Variants in TSC1 observed in about 807,000 individuals in gnomAD.
TSC1 encodes TSC complex subunit 1.
In TSC1, 20 loss-of-function variants were observed where a neutral mutation model predicts 124.3. The ratio of observed to expected loss-of-function variants is 0.16; its 90% CI spans 0.11 to 0.23. The LOEUF is 0.23. Ranked by LOEUF, TSC1 falls within the 10% of genes least tolerant of loss-of-function variation. TSC1 has a pLI of 1.00. For missense variants in TSC1, 1,124 were observed against 1,448.5 expected, an observed-to-expected ratio of 0.78 and a Z score of 3.64; for synonymous variants, 493 against 539.1, an observed-to-expected ratio of 0.91 and a Z score of 1.19.
chr9:132,903,761 T>C lies in TSC1; in HGVS notation c.2098A>G (p.Asn700Asp). 2 of 1,613,854 alleles carry C rather than the reference T, an allele frequency of 1.2e-6. No individual in the cohort carries two copies. Among genetic ancestry groups the C allele is most frequent in the Non-Finnish European group, 1.7e-6 (2 of 1,180,014 alleles). The change falls in exon 17 of 23, where the codon AAC becomes GAC. Residue 700 changes from asparagine (N) to aspartate (D), a missense_variant. Asn to Asp is a conservative substitution (Grantham distance 23, BLOSUM62 1). This residue lies in a region of TSC1 where 321 missense variants were observed against 397.4 expected (regional missense o/e 0.81). Coordinates refer to ENST00000298552, the MANE Select transcript of TSC1 (RefSeq NM_000368.5). The surrounding 1 kb of genome is among the most constrained non-coding windows in gnomAD (Gnocchi z 5.9). ...TTAAAACGCTCATAGAGTAACTGGT[T>C]GTGCAGTAAAAGCAACTGGTCTCGG... ...TLRDQLLLLHNQLLYERFKRQ... is the reference protein window; with the variant it reads ...TLRDQLLLLHDQLLYERFKRQ...
Position 132,911,625 on chromosome 9 carries a change from TAAAAAA to T in TSC1, c.914-63_914-58del, listed in dbSNP as rs11364856. 0.089 allele frequency: 14,875 copies of T among 166,560 alleles called. 453 individuals carry two copies. Among genetic ancestry groups the T allele is most frequent in the African/African-American group, 0.17 (3,199 of 18,362 alleles). The allele number at this position is 166,560 out of a possible 1,614,324, so 10.3% of individuals were successfully genotyped here. A position where few individuals can be genotyped will look rare whatever the true frequency, so the allele number is the denominator to read the frequency against. ...GTGTGTGGTTTTAGGTTATTCTGGT[TAAAAAA>T]AAAAAAAAAAAAAAAAAAAAAAAAA... On this transcript the variant is annotated intron_variant, in intron 9 of 22. Transcript: ENST00000298552.
rs761281095 is a variant in TSC1, at chr9:132,901,659, C to T, written c.2432G>A (p.Arg811Gln). ...GTTGTTGGCCTTCTTCAGTTCTATCCGCAGCTCCGCAATCATGTTCCTGCA... is the reference window on the plus strand; with the variant it reads ...GTTGTTGGCCTTCTTCAGTTCTATCTGCAGCTCCGCAATCATGTTCCTGCA... ...EDCRNMIAEL[R>Q]IELKKANNKV... The change falls in exon 19 of 23, where the codon CGG (arginine) becomes CAG (glutamine). Residue 811 changes from arginine (R) to glutamine (Q), a missense_variant. Physicochemically the swap from Arg to Gln is conservative, Grantham distance 43 (BLOSUM62 1). Transcript: ENST00000298552. The T allele has an allele frequency of 1.8e-5, 29 of 1,613,940 alleles. No homozygotes were observed. Among genetic ancestry groups the T allele is most frequent in the East Asian group, 2.2e-5 (1 of 44,898 alleles).
rs118203753 is a variant in TSC1 at position 132,896,408 on chromosome 9, C to T, written c.3322G>A (p.Gly1108Ser). ...NKSESQCDED[G>S]MTSSLSESLK... Reference sequence around the variant, plus strand: ...CTCTCAGAAAGGCTACTGGTCATGCCGTCCTCATCACACTGGCTCTCGCTC... The same window carrying T: ...CTCTCAGAAAGGCTACTGGTCATGCTGTCCTCATCACACTGGCTCTCGCTC... The change falls in exon 23 of 23, where the codon GGC (glycine) becomes AGC (serine). Residue 1108 changes from glycine (G) to serine (S), a missense_variant. By Grantham distance (56) the Gly-to-Ser change is moderately conservative. This residue lies in a region of TSC1 where 325 missense variants were observed against 383.4 expected (regional missense o/e 0.85). Transcript: ENST00000298552. This position sits in a 1 kb window ranked among gnomAD's most constrained non-coding sequence, Gnocchi z 4.5. The T allele has an allele frequency of 9.9e-6, 16 of 1,614,094 alleles. No homozygotes were observed. Among genetic ancestry groups the T allele is most frequent in the South Asian group, 5.5e-5 (5 of 91,084 alleles).
chr9:132,912,087 C>A (rs1455932126), intron 9 of TSC1, among the ~76,000 whole-genome samples, 195 bp downstream of exon 9: 1 of 151,908 alleles, frequency 6.6e-6, no homozygotes, highest in Non-Finnish European at 1.5e-5. Context: ...AGGTAGCAGA[C>A]CAAGGACATC....
chr9:132,909,270 G>GT (rs1845824952), intron 12 of TSC1, among the ~76,000 whole-genome samples: 1 of 152,130 alleles, frequency 6.6e-6, no homozygotes. Flanking sequence ...TGGACACTCT[G>GT]AAAATATTGG....
chr9:132,924,227 C>T (rs1846730767), intron 5 of TSC1, among the ~76,000 whole-genome samples: 2 of 152,022 alleles, frequency 1.3e-5, no homozygotes, highest in Admixed American at 1.3e-4. Flanking sequence ...TGAATGTTTG[C>T]CAGGTAGATG....
chr9:132,926,189 G>A (rs1304431065), intron 4 of TSC1: 7 of 214,436 alleles, frequency 3.3e-5, no homozygotes, highest in Non-Finnish European at 6.6e-5. Context: ...CGGGCCAGGC[G>A]CAGTGGCTCA....
intron 8 of TSC1, among the ~76,000 whole-genome samples, chr9:132,920,584 T>C (rs1042978739): frequency 1.3e-5 from 2 of 152,102 alleles, no homozygotes; most frequent in African/African-American, 2.4e-5. Context: ...GCAGTGTCTG[T>C]GGTGAGGTGA....
chr9:132,926,365 G>C (rs1017845452), intron 4 of TSC1: 4 of 160,042 alleles, frequency 2.5e-5, no homozygotes, highest in African/African-American at 9.6e-5. Context: ...ACTGTAAAAG[G>C]CATGCAATAC....
chr9:132,942,871 T>G (rs754941041), intron 1 of TSC1, among the ~76,000 whole-genome samples: 3 of 152,332 alleles, frequency 2.0e-5, no homozygotes, highest in Middle Eastern at 6.8e-3. Context: ...CCTAGGGCAA[T>G]AGCAAAGAAT....
Position 132,891,371 on chromosome 9 carries a change from A to G in TSC1, c.*4864T>C. 4.3e-6 allele frequency: 1 copy of G among 232,106 alleles called. No homozygotes were observed. The highest frequency in any genetic ancestry group is 8.5e-6 in the Non-Finnish European group (1 of 117,096). 14.4% of individuals were successfully genotyped at this position (232,106 alleles called of 1,614,324 possible). A position where few individuals can be genotyped will look rare whatever the true frequency, so the allele number is the denominator to read the frequency against. On this transcript the variant is annotated 3_prime_UTR_variant, in exon 23 of 23. Transcript: ENST00000298552. ...GAGTAGTGCAAAACAATAAATTTTT[A>G]TTTGTTCACAGTTAAACACAAGCAA...
intron 16 of TSC1, 127 bp downstream of exon 16, chr9:132,904,284 T>C (rs766385087): frequency 2.8e-5 from 29 of 1,040,400 alleles, no homozygotes; most frequent in Non-Finnish European, 3.5e-5. Context: ...GCCAAGCAGA[T>C]AGCCTGGCCG....
chr9:132,940,600 C>G (rs564523113), intron 1 of TSC1: 1 of 152,256 alleles, frequency 6.6e-6, no homozygotes, highest in Admixed American at 6.5e-5. Flanking sequence ...GGTTCATATC[C>G]CAGCTTAGCC....
intron 8 of TSC1, among the ~76,000 whole-genome samples, chr9:132,918,749 A>T (rs1341089091): frequency 6.6e-6 from 1 of 152,154 alleles, no homozygotes. Context: ...CAATACCGAC[A>T]CCACTATTTC....
At position 132,894,523 on chromosome 9, in the gene TSC1, C is replaced by A. The variant is rs1447281498; in HGVS notation, c.*1712G>T. ...ACATCTGACAATTCAGTACCAACTG[C>A]CAGCCTGTGCTAGGCTGAGTAGTTG... On this transcript the variant is annotated 3_prime_UTR_variant, in exon 23 of 23. Coordinates refer to ENST00000298552, the MANE Select transcript of TSC1 (RefSeq NM_000368.5). 4.4e-6 allele frequency: 1 copy of A among 228,326 alleles called. No individual in the cohort carries two copies. Among genetic ancestry groups the A allele is most frequent in the Non-Finnish European group, 8.7e-6 (1 of 114,812 alleles). 14.1% of individuals were successfully genotyped at this position (228,326 alleles called of 1,614,324 possible).
chr9:132,936,178 C>T (rs1847448930), intron 1 of TSC1, among the ~76,000 whole-genome samples: 1 of 152,110 alleles, frequency 6.6e-6, no homozygotes, highest in African/African-American at 2.4e-5. Flanking sequence ...ACAGTGGAGC[C>T]ATCATAGCTC....
At chr9:132,898,376 A>G (rs1845197454) in intron 20 of TSC1, among the ~76,000 whole-genome samples, 1 of 152,254 alleles carries the variant, frequency 6.6e-6, no homozygotes, top group African/African-American at 2.4e-5. Context: ...TTGTGTGTGT[A>G]TGTTTACCGT....
Position 132,906,890 on chromosome 9 carries a change from G to T in TSC1, c.1334-55C>A. Reference sequence around the variant, plus strand: ...AAGAAATACAGTGTAATCCCTGTAAGTGTAAAACTGCTTACACTGTATAGA... The same window carrying T: ...AAGAAATACAGTGTAATCCCTGTAATTGTAAAACTGCTTACACTGTATAGA... On this transcript the variant is annotated intron_variant, in intron 13 of 22. Transcript: ENST00000298552. The surrounding 1 kb of genome is among the most constrained non-coding windows in gnomAD (Gnocchi z 4.1). 7.3e-7 allele frequency: 1 copy of T among 1,372,558 alleles called. No homozygotes were observed. Among genetic ancestry groups the T allele is most frequent in the Non-Finnish European group, 1.0e-6 (1 of 963,312 alleles). 85.0% of individuals were successfully genotyped at this position (1,372,558 alleles called of 1,614,324 possible). A position where few individuals can be genotyped will look rare whatever the true frequency, so the allele number is the denominator to read the frequency against.
At position 132,893,210 on chromosome 9, in the gene TSC1, G is replaced by A. The variant is rs1393625250; in HGVS notation, c.*3025C>T. 4.3e-6 allele frequency: 1 copy of A among 233,184 alleles called. No homozygotes were observed. The highest frequency in any genetic ancestry group is 2.2e-5 in the African/African-American group (1 of 45,346). 14.4% of individuals were successfully genotyped at this position (233,184 alleles called of 1,614,324 possible). A position where few individuals can be genotyped will look rare whatever the true frequency, so the allele number is the denominator to read the frequency against. On this transcript the variant is annotated 3_prime_UTR_variant, in exon 23 of 23. Coordinates refer to ENST00000298552, the MANE Select transcript of TSC1 (RefSeq NM_000368.5). ...GCAGTTTTCTCTCCTGAAAAACTCT[G>A]TGGACACACCTAGAGAGGTCACTGT...
Sources: allele counts gnomAD v4.1 joint callset (sites outside exome capture counted in the v4.1 genomes callset), GRCh38; gene constraint gnomAD v4.1.1; regional missense constraint gnomAD v4.1.1; non-coding constraint Gnocchi (gnomAD v3.1); transcripts MANE v1.5; gene names NCBI Gene and HGNC (gene_info 2026-07-23, HGNC 2026-07-21).